The following PTPRD variants were observed in gnomAD, a reference collection of about 807,000 sequenced individuals.
PTPRD encodes the protein receptor-type tyrosine-protein phosphatase delta.
PTPRD carries 34 observed loss-of-function variants against 214.5 expected under a neutral mutation model. That is an observed-to-expected ratio of 0.16 (90% CI 0.12 to 0.21). The LOEUF is 0.21. PTPRD is among the 10% of genes least tolerant of loss of function. PTPRD has a pLI of 1.00. For synonymous variants in PTPRD, 1,128 were observed against 845.7 expected (o/e 1.33, Z -5.79); for missense variants, 2,545 against 2,398.7 (o/e 1.06, Z -1.27).
intron 3 of PTPRD, among the ~76,000 whole-genome samples, chr9:10,098,394 A>G (rs2098515598): frequency 6.6e-6 from 1 of 151,478 alleles, no homozygotes; most frequent in Non-Finnish European, 1.5e-5. Context: ...CCTAATGCTA[A>G]ATGACGAGTT....
At chr9:9,271,524 G>C (rs1470696246) in intron 9 of PTPRD, among the ~76,000 whole-genome samples, 2 of 151,284 alleles carry the variant, frequency 1.3e-5, no homozygotes, top group African/African-American at 2.4e-5. Flanking sequence ...GCTATGAATT[G>C]AATTCATTTA....
intron 30 of PTPRD, among the ~76,000 whole-genome samples, chr9:8,476,541 C>G (rs1367538912): frequency 6.6e-6 from 1 of 152,216 alleles, no homozygotes; most frequent in African/African-American, 2.4e-5. Flanking sequence ...ACTATTCTCT[C>G]TCCTTAAATA....
chr9:8,818,936 T>C (rs1220995018), intron 11 of PTPRD, among the ~76,000 whole-genome samples: 5 of 152,184 alleles, frequency 3.3e-5, no homozygotes, highest in African/African-American at 1.2e-4. Context: ...GAATAGAGAA[T>C]CTGGTAACTA....
chr9:9,931,824 C>A (rs1170870795), intron 5 of PTPRD, among the ~76,000 whole-genome samples: 2 of 150,908 alleles, frequency 1.3e-5, no homozygotes, highest in Admixed American at 6.6e-5. Flanking sequence ...CTTAAATGTC[C>A]CTGTCTGACA....
At chr9:8,480,152 G>A (rs1308506828) in intron 30 of PTPRD, among the ~76,000 whole-genome samples, 1 of 152,118 alleles carries the variant, frequency 6.6e-6, no homozygotes, top group African/African-American at 2.4e-5. Context: ...TATATTTGTT[G>A]GATGCCAGCA....
At chr9:9,365,135 T>C (rs1483276225) in intron 9 of PTPRD, among the ~76,000 whole-genome samples, 4 of 151,438 alleles carry the variant, frequency 2.6e-5, no homozygotes, top group Admixed American at 2.6e-4. Flanking sequence ...AGAGGTTAAA[T>C]ACTATCAGCA....
chr9:10,482,207 T>C (rs1312919707), intron 2 of PTPRD, among the ~76,000 whole-genome samples: 2 of 151,618 alleles, frequency 1.3e-5, no homozygotes, highest in Admixed American at 6.6e-5. Context: ...CCATCTCTAC[T>C]AAAAATACAA....
At chr9:8,672,748 T>C (rs548721861) in intron 12 of PTPRD, among the ~76,000 whole-genome samples, 6 of 150,964 alleles carry the variant, frequency 4.0e-5, no homozygotes, top group African/African-American at 9.8e-5. Flanking sequence ...CAACTGATTA[T>C]GAAATTTTTA....
At chr9:9,273,463 C>T (rs1291239946) in intron 9 of PTPRD, among the ~76,000 whole-genome samples, 1 of 151,280 alleles carries the variant, frequency 6.6e-6, no homozygotes, top group East Asian at 2.0e-4. Context: ...CTTTAAAATA[C>T]ATAAACTGCC....
At chr9:10,531,480 C>G (rs962655728) in intron 2 of PTPRD, among the ~76,000 whole-genome samples, 4 of 152,034 alleles carry the variant, frequency 2.6e-5, no homozygotes, top group Non-Finnish European at 5.9e-5. Context: ...AAAATGGTAG[C>G]ATATTAAATA....
Position 8,952,405 on chromosome 9 carries a change from T to A in PTPRD, c.-104+66292A>T, listed in dbSNP as rs185485120. ...AATGCACAGGGCAATTTTTCTTGAA[T>A]TAGCAACACAATCTGTATGTTTTAC... On this transcript the variant is annotated intron_variant, in intron 11 of 45. Transcript: ENST00000381196. Among the ~76,000 whole-genome samples, 10 of 152,154 alleles carry A rather than the reference T, an allele frequency of 6.6e-5. No individual in the cohort carries two copies. In the East Asian group the frequency reaches 1.9e-3, roughly 29 times the overall value.
intron 7 of PTPRD, among the ~76,000 whole-genome samples, chr9:9,595,615 T>C (rs1161807498): frequency 1.3e-5 from 2 of 151,438 alleles, no homozygotes; most frequent in Non-Finnish European, 2.9e-5. Flanking sequence ...ATTCAGCCAT[T>C]AAAAGGAATG....
chr9:8,957,165 A>G (rs747120967), intron 11 of PTPRD, among the ~76,000 whole-genome samples: 9 of 151,842 alleles, frequency 5.9e-5, no homozygotes, highest in Non-Finnish European at 8.8e-5. Context: ...GCTAGGTTTC[A>G]TCACACACAG....
At chr9:8,341,300 C>T (rs2132448914) in intron 40 of PTPRD, 32 bp from the exon 41 acceptor site, 1 of 1,543,038 alleles carries the variant, frequency 6.5e-7, no homozygotes, top group Non-Finnish European at 8.7e-7. Context: ...AAAGGAAAAA[C>T]CCAACAAAGA....
At chr9:8,966,626 A>G (rs1437996297) in intron 11 of PTPRD, among the ~76,000 whole-genome samples, 1 of 152,092 alleles carries the variant, frequency 6.6e-6, no homozygotes, top group Non-Finnish European at 1.5e-5. Context: ...TTAAAGATTT[A>G]AATGTAAGAC....
chr9:9,552,588 A>G (rs1569569212), intron 8 of PTPRD, among the ~76,000 whole-genome samples: 1 of 151,962 alleles, frequency 6.6e-6, no homozygotes, highest in African/African-American at 2.4e-5. Flanking sequence ...CCTATAGCAA[A>G]CTTCTTCTGT....
At chr9:9,423,153 T>C (rs1053741696) in intron 8 of PTPRD, among the ~76,000 whole-genome samples, 12 of 152,184 alleles carry the variant, frequency 7.9e-5, no homozygotes, top group African/African-American at 2.9e-4. Flanking sequence ...CTCTGTAGCT[T>C]CTACAGTTTT....
At chr9:10,055,291 T>A (rs576747315) in intron 3 of PTPRD, among the ~76,000 whole-genome samples, 56 of 152,284 alleles carry the variant, frequency 3.7e-4, no homozygotes, top group Non-Finnish European at 6.3e-4. Flanking sequence ...CTAATGATCT[T>A]CTACTTGTGT....
chr9:8,786,048 T>G (rs2095943604), intron 11 of PTPRD, among the ~76,000 whole-genome samples: 1 of 141,326 alleles, frequency 7.1e-6, no homozygotes. Flanking sequence ...TGTGTGTGTG[T>G]GTGTGTGTGT....
Sources: allele counts gnomAD v4.1 joint callset (sites outside exome capture counted in the v4.1 genomes callset), GRCh38; gene constraint gnomAD v4.1.1; transcripts MANE v1.5; gene names NCBI Gene and HGNC (gene_info 2026-07-23, HGNC 2026-07-21).